The following FARS2 variants were observed in gnomAD, a reference collection of about 807,000 sequenced individuals.
FARS2 encodes the protein phenylalanyl-tRNA synthetase 2, mitochondrial, also known as phenylalanine--tRNA ligase, mitochondrial.
A neutral mutation model predicts 46.4 loss-of-function variants in FARS2; 40 were observed. That is an observed-to-expected ratio of 0.86 (90% confidence interval 0.67 to 1.12). The LOEUF (loss-of-function observed/expected upper bound fraction) is 1.12, where lower values mean the gene tolerates loss of function less well. Among genes scored for constraint, FARS2 ranks in the 50% most tolerant of loss-of-function variants. The pLI, the probability that FARS2 is intolerant of heterozygous loss-of-function variation, is 0.00. For missense variants in FARS2, 513 were observed against 567.9 expected (o/e 0.90, Z 0.98); for synonymous variants, 234 against 214.9 (o/e 1.09, Z -0.78).
intron 6 of FARS2, among the ~76,000 whole-genome samples, chr6:5,702,869 G>A (rs1264394418): frequency 6.6e-6 from 1 of 152,120 alleles, no homozygotes; most frequent in Non-Finnish European, 1.5e-5. Flanking sequence ...ACAGGGTCTT[G>A]GGGGGACTTA....
At chr6:5,603,663 T>C (rs1774668848) in intron 5 of FARS2, among the ~76,000 whole-genome samples, 1 of 152,216 alleles carries the variant, frequency 6.6e-6, no homozygotes, top group African/African-American at 2.4e-5. Flanking sequence ...CTGCAGGTGG[T>C]GTGCTCCCTG....
At chr6:5,366,563 C>A (rs1758691890) in intron 1 of FARS2, among the ~76,000 whole-genome samples, 1 of 152,040 alleles carries the variant, frequency 6.6e-6, no homozygotes, top group African/African-American at 2.4e-5. Flanking sequence ...AGGGCAAGAA[C>A]CTCAAACTTT....
At chr6:5,260,710 T>G, upstream of FARS2, 1 of 1,540,734 alleles carries the variant, frequency 6.5e-7, no homozygotes, top group Non-Finnish European at 8.8e-7. Flanking sequence ...GAGATAACAC[T>G]TGTGCGCGAC....
Position 5,742,987 on chromosome 6 carries a change from C to T in FARS2, c.1218-28304C>T, listed in dbSNP as rs954269753. ...GGCCAGCAGGGTACCTCCAGGGGTG[C>T]GTGTGTTTGTGTGAGGGTGGAGTGG... On this transcript the variant is annotated intron_variant, in intron 6 of 6. Transcript: ENST00000274680. Among the ~76,000 whole-genome samples the T allele has an allele frequency of 4.0e-5, 6 of 151,684 alleles. 1 individual carries two copies. Among genetic ancestry groups the T allele is most frequent in the African/African-American group, 7.3e-5 (3 of 41,278 alleles).
intron 1 of FARS2, among the ~76,000 whole-genome samples, chr6:5,347,240 G>A (rs1211125613): frequency 1.3e-5 from 2 of 152,094 alleles, no homozygotes; most frequent in Non-Finnish European, 2.9e-5. Flanking sequence ...ACAAAAGTAT[G>A]TATCTTTGCA....
intron 5 of FARS2, among the ~76,000 whole-genome samples, chr6:5,586,163 A>G (rs1470721067): frequency 6.6e-6 from 1 of 152,128 alleles, no homozygotes; most frequent in Non-Finnish European, 1.5e-5. Context: ...ATTATCTTCA[A>G]ACAGACAATT....
At chr6:5,293,906 A>G (rs1172146662) in intron 1 of FARS2, among the ~76,000 whole-genome samples, 1 of 152,210 alleles carries the variant, frequency 6.6e-6, no homozygotes, top group East Asian at 1.9e-4. Context: ...GCCACAGGTG[A>G]GAAGTACTGC....
At chr6:5,429,948 G>A (rs11753202) in intron 3 of FARS2, among the ~76,000 whole-genome samples, 23,872 of 150,488 alleles carry the variant, frequency 0.16, 2,544 homozygotes, top group East Asian at 0.46. Context: ...TTTTTTTCCC[G>A]AATCTATGAA....
chr6:5,516,275 A>G (rs947886875), intron 4 of FARS2, among the ~76,000 whole-genome samples: 11 of 152,198 alleles, frequency 7.2e-5, no homozygotes, highest in Admixed American at 1.3e-4. Context: ...TAGCCCCATT[A>G]GACTATAGAG....
intron 3 of FARS2, among the ~76,000 whole-genome samples, chr6:5,420,260 C>T (rs1762469646): frequency 1.3e-5 from 2 of 152,208 alleles, no homozygotes; most frequent in African/African-American, 4.8e-5. Flanking sequence ...GGTGGGGACA[C>T]AGCCAAACCA....
At chr6:5,363,241 A>C (rs1014405179) in intron 1 of FARS2, among the ~76,000 whole-genome samples, 6 of 151,794 alleles carry the variant, frequency 4.0e-5, no homozygotes, top group African/African-American at 1.2e-4. Flanking sequence ...GCCCATTTTT[A>C]AGTTATTTGC....
chr6:5,273,208 T>C (rs914557046), intron 1 of FARS2, among the ~76,000 whole-genome samples: 7 of 152,372 alleles, frequency 4.6e-5, no homozygotes, highest in Middle Eastern at 3.4e-3. Context: ...GCTGGACATA[T>C]GGTAGTTCTA....
intron 1 of FARS2, among the ~76,000 whole-genome samples, chr6:5,292,249 CTT>C (rs1767557273): frequency 6.6e-6 from 1 of 152,146 alleles, no homozygotes; most frequent in African/African-American, 2.4e-5. Context: ...AGGCAAAAGA[CTT>C]TAGATTTTTC....
chr6:5,705,268 G>A (rs992682989), intron 6 of FARS2, among the ~76,000 whole-genome samples: 6 of 152,212 alleles, frequency 3.9e-5, no homozygotes, highest in Non-Finnish European at 5.9e-5. Flanking sequence ...CCCAGGTAGC[G>A]AAATATTAGA....
At chr6:5,320,792 C>G (rs1769914030) in intron 1 of FARS2, among the ~76,000 whole-genome samples, 1 of 152,086 alleles carries the variant, frequency 6.6e-6, no homozygotes, top group Non-Finnish European at 1.5e-5. Flanking sequence ...TCTCACAGTT[C>G]CAGAGGCTGA....
chr6:5,539,158 A>G (rs1359702664), intron 4 of FARS2, among the ~76,000 whole-genome samples: 3 of 150,644 alleles, frequency 2.0e-5, no homozygotes, highest in Non-Finnish European at 4.4e-5. Context: ...CCTTTCCCCC[A>G]TCAACCTTTC....
Position 5,591,971 on chromosome 6 carries a change from A to T in FARS2, c.1066-21198A>T, listed in dbSNP as rs187227588. 8.5e-5 allele frequency among the ~76,000 whole-genome samples: 13 copies of T among 152,368 alleles called. No homozygotes were observed. The East Asian group carries it at 2.1e-3, about 25-fold the overall frequency. On this transcript the variant is annotated intron_variant, in intron 5 of 6. Coordinates refer to ENST00000274680, the MANE Select transcript of FARS2 (RefSeq NM_006567.5). ...ATAGCTTTCTATACATATTTGTTGA[A>T]TTAATGAGTCAAGAGAAAAGGAAGA... is the stretch of plus-strand genomic sequence containing the variant.
chr6:5,368,566 C>G lies in FARS2; in HGVS notation c.-5C>G. ...TCTTTCCAGAACCTGTGAGAAGTTT[C>G]TACAATGGTGGGCTCAGCTCTCAGG... is the stretch of plus-strand genomic sequence containing the variant. On this transcript the variant is annotated 5_prime_UTR_variant, in exon 2 of 7. Transcript: ENST00000274680. 1.2e-6 allele frequency: 2 copies of G among 1,600,034 alleles called. No homozygotes were observed. Among genetic ancestry groups the G allele is most frequent in the Non-Finnish European group, 1.7e-6 (2 of 1,171,870 alleles).
chr6:5,298,380 G>C (rs1289236510), intron 1 of FARS2, among the ~76,000 whole-genome samples: 3 of 152,188 alleles, frequency 2.0e-5, no homozygotes, highest in African/African-American at 7.2e-5. Context: ...CCTGGGGTTG[G>C]GGGTGGGTGG....
Sources: gnomAD v4.1 joint callset for allele counts (sites outside exome capture counted in the v4.1 genomes callset) on GRCh38, gnomAD v4.1.1 for gene constraint, MANE v1.5 for transcripts, NCBI Gene and HGNC (gene_info 2026-07-23, HGNC 2026-07-21) for gene names.